The following OTULINL variants were observed in gnomAD, a reference collection of about 807,000 sequenced individuals.
The protein encoded by OTULINL is OTU deubiquitinase with linear linkage specificity like, also known as inactive ubiquitin thioesterase OTULINL.
Under a neutral mutation model 43.9 loss-of-function variants are expected in OTULINL, and 42 were observed. That is an observed-to-expected ratio of 0.96 (90% CI 0.75 to 1.24). The LOEUF (loss-of-function observed/expected upper bound fraction) is 1.24, where lower values mean the gene tolerates loss of function less well. OTULINL is among the 50% of genes most tolerant of loss of function. The pLI is 0.00. For missense variants in OTULINL, 411 were observed against 426.4 expected (o/e 0.96, Z 0.32); for synonymous variants, 172 against 153.6 (o/e 1.12, Z -0.88).
Position 14,616,002 on chromosome 5 carries a change from A to G in OTULINL, c.*5688A>G, listed in dbSNP as rs1006001934. 1.3e-5 allele frequency among the ~76,000 whole-genome samples: 2 copies of G among 152,260 alleles called. No individual in the cohort carries two copies. The highest frequency in any genetic ancestry group is 4.8e-5 in the African/African-American group (2 of 41,470). On this transcript the variant is annotated 3_prime_UTR_variant, in exon 8 of 8. Coordinates refer to ENST00000274217, the MANE Select transcript of OTULINL (RefSeq NM_019018.3). ...ATTGTAAAACAGTGCTTTTTAAACT[A>G]TCCATGGTAAAGGATGAGTTTTAAA...
At chr5:14,609,042 GT>G in intron 7 of OTULINL, 25 bp downstream of exon 7, 2 of 1,593,444 alleles carry the variant, frequency 1.3e-6, no homozygotes, top group Non-Finnish European at 1.7e-6. Context: ...AGAACTGCTT[GT>G]ATTTGATTAA....
intron 1 of OTULINL, among the ~76,000 whole-genome samples, chr5:14,585,223 A>C (rs1364668712): frequency 6.6e-6 from 1 of 151,922 alleles, no homozygotes; most frequent in East Asian, 1.9e-4. Context: ...GCTAGTTGTA[A>C]CTGTCGAGAG....
intron 1 of OTULINL, among the ~76,000 whole-genome samples, chr5:14,584,272 G>A (rs1759067519): frequency 6.6e-6 from 1 of 152,142 alleles, no homozygotes. Context: ...CTCCACCACT[G>A]TCCATCTGTT....
chr5:14,584,213 A>G (rs1759066553), intron 1 of OTULINL, among the ~76,000 whole-genome samples: 1 of 152,186 alleles, frequency 6.6e-6, no homozygotes, highest in South Asian at 2.1e-4. Flanking sequence ...ACATCTGGCC[A>G]GACTCGGGCC....
At chr5:14,608,039 T>A (rs1169504602) in intron 6 of OTULINL, among the ~76,000 whole-genome samples, 1 of 152,260 alleles carries the variant, frequency 6.6e-6, no homozygotes, top group Non-Finnish European at 1.5e-5. Flanking sequence ...AGCTTTAAAC[T>A]GTGCAGAATA....
intron 1 of OTULINL, among the ~76,000 whole-genome samples, chr5:14,591,290 T>G (rs1490341274): frequency 6.6e-6 from 1 of 152,174 alleles, no homozygotes; most frequent in Non-Finnish European, 1.5e-5. Context: ...GACTGAAAGG[T>G]AGATACAGAT....
chr5:14,608,989 C>G lies in OTULINL; in HGVS notation c.869C>G (p.Ser290Cys). 6.2e-7 allele frequency: 1 copy of G among 1,613,710 alleles called. No homozygotes were observed. Among genetic ancestry groups the G allele is most frequent in the Non-Finnish European group, 8.5e-7 (1 of 1,179,800 alleles). ...PLSFMMNHLN[S>C]VGDTCGLEQI... ...AGCTTCATGATGAATCACCTGAATT[C>G]TGTAGGCGACACATGTGGACTAGAG... Residue 290 changes from serine (S) to cysteine (C), a missense_variant, in exon 7 of 8, where the codon TCT becomes TGT. Physicochemically the swap from Ser to Cys is moderately radical, Grantham distance 112. Coordinates refer to ENST00000274217, the MANE Select transcript of OTULINL (RefSeq NM_019018.3).
intron 7 of OTULINL, among the ~76,000 whole-genome samples, chr5:14,609,780 G>A (rs1054071277): frequency 2.2e-4 from 34 of 152,214 alleles, no homozygotes; most frequent in African/African-American, 8.2e-4. Flanking sequence ...ACAGGCGCCC[G>A]CCACTGCGCC....
intron 5 of OTULINL, 142 bp from the exon 6 acceptor site, chr5:14,607,188 C>A (rs1759494983): frequency 2.3e-6 from 2 of 861,516 alleles, no homozygotes; most frequent in East Asian, 5.7e-5. Context: ...CGAGATCACG[C>A]CACTGCACTC....
intron 1 of OTULINL, among the ~76,000 whole-genome samples, chr5:14,584,380 T>G (rs1759069645): frequency 6.6e-6 from 1 of 152,212 alleles, no homozygotes; most frequent in Admixed American, 6.5e-5. Context: ...ATGCCCAGTG[T>G]GGAACGGCGC....
Position 14,601,237 on chromosome 5 carries a change from A to C in OTULINL, c.249A>C (p.Lys83Asn), listed in dbSNP as rs1759383901. Residue 83 changes from lysine to asparagine, a missense_variant, in exon 3 of 8, where the codon AAA (lysine) becomes AAC (asparagine). Physicochemically the swap from Lys to Asn is moderately conservative, Grantham distance 94. Transcript: ENST00000274217. ...LKWWIGYLQR[K>N]FKRNLSVEAE... is the part of the protein sequence containing the mutation. The stretch of plus-strand genomic sequence containing the variant: ...GGTGGATTGGATATCTGCAGAGAAA[A>C]TTCAAAAGTAAATATTTTCATTCAT... 1 of 1,612,158 alleles carries C rather than the reference A, an allele frequency of 6.2e-7. No homozygotes were observed. The highest frequency in any genetic ancestry group is 1.3e-5 in the African/African-American group (1 of 74,828).
chr5:14,604,894 A>G (rs1417345047), intron 5 of OTULINL, among the ~76,000 whole-genome samples: 2 of 152,192 alleles, frequency 1.3e-5, no homozygotes, highest in Admixed American at 1.3e-4. Context: ...GCTAGTGTCA[A>G]GTGCCTGTGG....
intron 7 of OTULINL, 52 bp downstream of exon 7, chr5:14,609,069 A>G (rs775237280): frequency 1.7e-5 from 27 of 1,562,346 alleles, no homozygotes; most frequent in Middle Eastern, 1.7e-4. Flanking sequence ...CTGTGGCACT[A>G]TTTGAACACA....
intron 5 of OTULINL, among the ~76,000 whole-genome samples, chr5:14,603,068 TG>T (rs1361490512): frequency 3.9e-5 from 6 of 152,214 alleles, no homozygotes; most frequent in African/African-American, 1.4e-4. Flanking sequence ...GTCATATAAA[TG>T]GAATCATTCA....
At chr5:14,588,651 TG>T (rs1195571658) in intron 1 of OTULINL, among the ~76,000 whole-genome samples, 2 of 152,190 alleles carry the variant, frequency 1.3e-5, no homozygotes, top group African/African-American at 4.8e-5. Context: ...TCCCCAGGGC[TG>T]GGATGATCTC....
Position 14,583,375 on chromosome 5 carries a change from C to T in OTULINL, c.64+1417C>T, listed in dbSNP as rs150100482. On this transcript the variant is annotated intron_variant, in intron 1 of 7. Coordinates refer to ENST00000274217, the MANE Select transcript of OTULINL (RefSeq NM_019018.3). ...CCTTGGGTTATTATAAAATTAGCCA[C>T]ATATTTCCTATGGGTGTATTCATTT... Among the ~76,000 whole-genome samples, 634 of 152,324 alleles carry T rather than the reference C, an allele frequency of 4.2e-3. 1 individual carries two copies. Among genetic ancestry groups the T allele is most frequent in the South Asian group, 9.3e-3 (45 of 4,832 alleles).
At chr5:14,582,592 G>A (rs544330513) in intron 1 of OTULINL, among the ~76,000 whole-genome samples, 9 of 152,186 alleles carry the variant, frequency 5.9e-5, no homozygotes, top group African/African-American at 2.2e-4. Context: ...TCAGGAGTTC[G>A]AGACCAGCCT....
chr5:14,601,557 T>G, intron 4 of OTULINL, 115 bp downstream of exon 4: 1 of 938,354 alleles, frequency 1.1e-6, no homozygotes. Context: ...AAAATGTGAG[T>G]CAAGTAACAA....
rs1759583658 is a variant in OTULINL, at chr5:14,611,608, G to C, written c.*1294G>C. The C allele has an allele frequency of 6.6e-6, 1 of 152,160 alleles. No individual in the cohort carries two copies. The highest frequency in any genetic ancestry group is 1.5e-5 in the Non-Finnish European group (1 of 68,032). The allele number at this position is 152,160 out of a possible 1,614,324, so 9.4% of individuals were successfully genotyped here. ...AATAGATTTGTGTTTAAGCCACTAA[G>C]TTTGTGGTAATGTGTTGTAGCAACA... is the stretch of plus-strand genomic sequence containing the variant. On this transcript the variant is annotated 3_prime_UTR_variant, in exon 8 of 8. Coordinates refer to ENST00000274217, the MANE Select transcript of OTULINL (RefSeq NM_019018.3).
Sources: gnomAD v4.1 joint callset for allele counts (sites outside exome capture counted in the v4.1 genomes callset) on GRCh38, gnomAD v4.1.1 for gene constraint, MANE v1.5 for transcripts, NCBI Gene and HGNC (gene_info 2026-07-23, HGNC 2026-07-21) for gene names.